FSTL5: variants seen among roughly 807,000 people sequenced by gnomAD.
FSTL5 encodes follistatin-related protein 5.
A neutral mutation model predicts 89.1 loss-of-function variants in FSTL5; 62 were observed. The ratio of observed to expected loss-of-function variants is 0.70; its 90% CI spans 0.57 to 0.86. The LOEUF (loss-of-function observed/expected upper bound fraction) is 0.86. Among genes scored for constraint, FSTL5 ranks in the 40% least tolerant of loss-of-function variants. The pLI is 0.00. For synonymous variants in FSTL5, 383 were observed against 346.2 expected, an observed-to-expected ratio of 1.11 and a Z score of -1.18; for missense variants, 1,057 against 1,001.6, an observed-to-expected ratio of 1.06 and a Z score of -0.75.
intron 6 of FSTL5, among the ~76,000 whole-genome samples, chr4:161,673,398 T>G (rs1267422892): frequency 6.6e-6 from 1 of 152,068 alleles, no homozygotes; most frequent in East Asian, 1.9e-4. Flanking sequence ...TATATCCTGC[T>G]CATTTGAAGT....
intron 6 of FSTL5, among the ~76,000 whole-genome samples, chr4:161,695,046 T>C (rs2126723862): frequency 6.6e-6 from 1 of 152,166 alleles, no homozygotes; most frequent in East Asian, 1.9e-4. Context: ...TTTTTATTTT[T>C]ATTTTATTTT....
rs766128246 is a variant in FSTL5, at chr4:161,542,681, A to G, written c.1028T>C (p.Ile343Thr). 7 of 1,470,344 alleles carry G rather than the reference A, an allele frequency of 4.8e-6. No individual in the cohort carries two copies. The highest frequency in any genetic ancestry group is 5.4e-6 in the Non-Finnish European group (6 of 1,105,496). 91.1% of individuals were successfully genotyped at this position (1,470,344 alleles called of 1,614,324 possible). The change falls in exon 9 of 16, where the codon ATC becomes ACC. Residue 343 changes from isoleucine (I) to threonine (T), a missense_variant. Physicochemically the swap from Ile to Thr is moderately conservative, Grantham distance 89. Around this residue, in one of 3 missense-constraint regions of FSTL5, gnomAD observed 980 missense variants for 903.2 expected, o/e 1.08. Coordinates refer to ENST00000306100, the MANE Select transcript of FSTL5 (RefSeq NM_020116.5). ...AGCCTGACTCTCTGGATACACCCGG[A>G]TGACTGGAGGAACTAAAGGAAAAAA... ...HIFQVNVPPVIRVYPESQARE... is the reference protein window; with the variant it reads ...HIFQVNVPPVTRVYPESQARE...
At chr4:161,986,227 A>G (rs563643355) in intron 3 of FSTL5, among the ~76,000 whole-genome samples, 1 of 152,258 alleles carries the variant, frequency 6.6e-6, no homozygotes, top group Non-Finnish European at 1.5e-5. Flanking sequence ...AGAACATGGT[A>G]TATAGCAAAT....
At chr4:162,071,748 A>C (rs1729634093) in intron 2 of FSTL5, among the ~76,000 whole-genome samples, 1 of 151,798 alleles carries the variant, frequency 6.6e-6, no homozygotes, top group African/African-American at 2.4e-5. Context: ...TTAGGCCACA[A>C]CAGAAGTTTC....
At chr4:161,918,945 C>T (rs563582851) in intron 4 of FSTL5, among the ~76,000 whole-genome samples, 8 of 152,026 alleles carry the variant, frequency 5.3e-5, no homozygotes, top group African/African-American at 1.7e-4. Context: ...GCCAGGACCC[C>T]ACATGATATT....
At chr4:161,585,101 G>A (rs1411073826) in intron 8 of FSTL5, among the ~76,000 whole-genome samples, 3 of 152,100 alleles carry the variant, frequency 2.0e-5, no homozygotes, top group African/African-American at 7.2e-5. Context: ...AGAGTAAGCA[G>A]TTCATTCATG....
intron 4 of FSTL5, among the ~76,000 whole-genome samples, chr4:161,797,320 T>A (rs561029239): frequency 6.6e-6 from 1 of 151,626 alleles, no homozygotes; most frequent in East Asian, 1.9e-4. Flanking sequence ...ATATTGAAGA[T>A]TCATATTAAG....
At chr4:161,657,094 TTAAC>T (rs1736545819) in intron 6 of FSTL5, among the ~76,000 whole-genome samples, 1 of 152,194 alleles carries the variant, frequency 6.6e-6, no homozygotes, top group African/African-American at 2.4e-5. Context: ...ATATCATATT[TTAAC>T]TAACCAGTGT....
chr4:162,023,707 T>C (rs1560975848), intron 3 of FSTL5, among the ~76,000 whole-genome samples: 1 of 152,120 alleles, frequency 6.6e-6, no homozygotes, highest in African/African-American at 2.4e-5. Flanking sequence ...GCTGATAGGA[T>C]TGAAGAAAAG....
At chr4:162,153,661 A>AATAATATATATATT (rs373756499) in intron 1 of FSTL5, among the ~76,000 whole-genome samples, 5 of 79,092 alleles carry the variant, frequency 6.3e-5, no homozygotes, top group Non-Finnish European at 1.1e-4. Flanking sequence ...ATATGTATAT[A>AATAATATATATATT]ATATATGTAT....
intron 2 of FSTL5, among the ~76,000 whole-genome samples, chr4:162,102,506 A>T (rs1284937398): frequency 6.7e-6 from 1 of 148,988 alleles, no homozygotes; most frequent in Non-Finnish European, 1.5e-5. Flanking sequence ...TACCACCCAA[A>T]TATATATTTT....
At chr4:161,627,747 T>C (rs1283311269) in intron 7 of FSTL5, among the ~76,000 whole-genome samples, 1 of 152,136 alleles carries the variant, frequency 6.6e-6, no homozygotes, top group Non-Finnish European at 1.5e-5. Context: ...TTGAATATCA[T>C]GAAATATTTT....
intron 8 of FSTL5, among the ~76,000 whole-genome samples, chr4:161,563,250 T>G (rs2126573931): frequency 6.6e-6 from 1 of 152,162 alleles, no homozygotes; most frequent in South Asian, 2.1e-4. Context: ...ATAATACTCT[T>G]ATGAATATGG....
intron 1 of FSTL5, among the ~76,000 whole-genome samples, chr4:162,143,424 G>A (rs1167254013): frequency 1.3e-5 from 2 of 151,988 alleles, no homozygotes; most frequent in African/African-American, 4.8e-5. Context: ...TTAAAGCTGA[G>A]AGCAAATGAT....
intron 3 of FSTL5, among the ~76,000 whole-genome samples, chr4:161,934,875 G>A (rs1191014457): frequency 6.6e-6 from 1 of 151,936 alleles, no homozygotes; most frequent in African/African-American, 2.4e-5. Context: ...AAAGAAGTAG[G>A]CAATCTGCAA....
intron 15 of FSTL5, among the ~76,000 whole-genome samples, chr4:161,447,549 A>C (rs1732989118): frequency 6.6e-6 from 1 of 152,126 alleles, no homozygotes; most frequent in South Asian, 2.1e-4. Flanking sequence ...CTAACTCAAG[A>C]AATAATAAAG....
chr4:162,161,795 A>C (rs1733706644), intron 1 of FSTL5, among the ~76,000 whole-genome samples: 1 of 152,016 alleles, frequency 6.6e-6, no homozygotes, highest in Non-Finnish European at 1.5e-5. Flanking sequence ...AAAATTGAAA[A>C]TAAAATAAGC....
intron 4 of FSTL5, among the ~76,000 whole-genome samples, chr4:161,871,302 A>T: frequency 6.6e-6 from 1 of 152,114 alleles, no homozygotes; most frequent in East Asian, 1.9e-4. Flanking sequence ...CTTAGTAAAA[A>T]ACTGTTCCAT....
rs183400183 is a variant in FSTL5, at chr4:161,455,313, A to G, written c.1717-185T>C. ...TGACTGTTTTGCTTATTTTCAATAT[A>G]GAAACTTGTTTCTATAAAGAAAAAA... On this transcript the variant is annotated intron_variant, in intron 14 of 15. Coordinates refer to ENST00000306100, the MANE Select transcript of FSTL5 (RefSeq NM_020116.5). 2.9e-3 allele frequency among the ~76,000 whole-genome samples: 441 copies of G among 152,352 alleles called. 3 individuals are homozygous for G. Among genetic ancestry groups the G allele is most frequent in the African/African-American group, 0.01 (430 of 41,588 alleles).
Sources: gnomAD v4.1 joint callset for allele counts (sites outside exome capture counted in the v4.1 genomes callset) on GRCh38, gnomAD v4.1.1 for gene constraint, gnomAD v4.1.1 regional missense constraint, MANE v1.5 for transcripts, NCBI Gene and HGNC (gene_info 2026-07-23, HGNC 2026-07-21) for gene names.